Variants in SPIRE1 observed in about 807,000 individuals in gnomAD.
SPIRE1 encodes the protein protein spire homolog 1.
SPIRE1 carries 40 observed loss-of-function variants against 94.1 expected under a neutral mutation model. The ratio of observed to expected loss-of-function variants is 0.43; its 90% CI spans 0.33 to 0.55. SPIRE1 has a LOEUF of 0.55. Ranked by LOEUF, SPIRE1 falls within the 20% of genes least tolerant of loss-of-function variation. The probability of loss-of-function intolerance (pLI) is 0.06; values close to 1 mark genes in which losing one functional copy is unlikely to be tolerated. For synonymous variants in SPIRE1, 376 were observed against 371.7 expected, an observed-to-expected ratio of 1.01 and a Z score of -0.13; for missense variants, 838 against 975.2, an observed-to-expected ratio of 0.86 and a Z score of 1.87.
intron 1 of SPIRE1, among the ~76,000 whole-genome samples, chr18:12,649,937 T>C (rs1343656101): frequency 6.6e-6 from 1 of 152,110 alleles, no homozygotes; most frequent in African/African-American, 2.4e-5. Context: ...GCATGGTAAA[T>C]TGGAACCAAA....
chr18:12,644,997 G>C (rs1412767461), intron 1 of SPIRE1, among the ~76,000 whole-genome samples: 1 of 151,948 alleles, frequency 6.6e-6, no homozygotes, highest in Non-Finnish European at 1.5e-5. Flanking sequence ...TGTAACCCCA[G>C]TACTTTGGGA....
intron 2 of SPIRE1, among the ~76,000 whole-genome samples, chr18:12,627,185 T>C (rs1567977084): frequency 6.6e-6 from 1 of 152,058 alleles, no homozygotes; most frequent in Non-Finnish European, 1.5e-5. Context: ...TTACATTAGG[T>C]ATTTCTCCTA....
At chr18:12,567,209 A>C (rs922579091) in intron 2 of SPIRE1, among the ~76,000 whole-genome samples, 2 of 152,214 alleles carry the variant, frequency 1.3e-5, no homozygotes, top group African/African-American at 4.8e-5. Flanking sequence ...TTAAAAATAT[A>C]ATACCACTTA....
intron 4 of SPIRE1, among the ~76,000 whole-genome samples, chr18:12,531,711 G>A (rs891997894): frequency 6.6e-6 from 1 of 152,124 alleles, no homozygotes; most frequent in African/African-American, 2.4e-5. Flanking sequence ...AGTAGCAGGG[G>A]TTAAAGTTTT....
intron 6 of SPIRE1, among the ~76,000 whole-genome samples, chr18:12,498,730 G>A (rs2033553027): frequency 6.6e-6 from 1 of 152,130 alleles, no homozygotes; most frequent in Non-Finnish European, 1.5e-5. Flanking sequence ...AGGCTCAAGC[G>A]ATCCCTCCAC....
intron 4 of SPIRE1, among the ~76,000 whole-genome samples, chr18:12,525,296 A>T (rs8090811): frequency 0.12 from 13,784 of 117,822 alleles, 719 homozygotes; most frequent in South Asian, 0.25. Flanking sequence ...AAAAAAAAAA[A>T]AATAATAATA....
chr18:12,617,776 A>C (rs9961705), intron 2 of SPIRE1, among the ~76,000 whole-genome samples: 59,017 of 151,616 alleles, frequency 0.39, 12,140 homozygotes, highest in East Asian at 0.6. Flanking sequence ...GGCTGGTCTC[A>C]AACTCCTGAC....
In SPIRE1 at chr18:12,617,188, C is replaced by T. The variant is rs2144719320; in HGVS notation, c.372+17874G>A. ...TTTTTTTTTTTTTTTGAAATGGGGT[C>T]TCGCTCTGTCGCCCAGGCTGGAGTG... On this transcript the variant is annotated intron_variant, in intron 2 of 16. Transcript: ENST00000409402. 1.4e-5 allele frequency among the ~76,000 whole-genome samples: 2 copies of T among 143,432 alleles called. 1 individual carries two copies. Among genetic ancestry groups the T allele is most frequent in the South Asian group, 4.4e-4 (2 of 4,548 alleles). 94.1% of individuals were successfully genotyped at this position (143,432 alleles called of 152,430 possible). A position where few individuals can be genotyped will look rare whatever the true frequency, so the allele number is the denominator to read the frequency against.
intron 6 of SPIRE1, among the ~76,000 whole-genome samples, chr18:12,506,022 C>T (rs1019465389): frequency 6.6e-6 from 1 of 152,100 alleles, no homozygotes; most frequent in African/African-American, 2.4e-5. Context: ...CTTCTTTAAG[C>T]TTAATGTACT....
chr18:12,488,911 C>G (rs575674034), intron 8 of SPIRE1, among the ~76,000 whole-genome samples: 1 of 152,228 alleles, frequency 6.6e-6, no homozygotes, highest in East Asian at 1.9e-4. Flanking sequence ...TTGGGTCAGG[C>G]GCGGTGGCTC....
intron 2 of SPIRE1, among the ~76,000 whole-genome samples, chr18:12,572,776 A>G (rs2035989913): frequency 1.3e-5 from 2 of 152,220 alleles, no homozygotes; most frequent in Admixed American, 1.3e-4. Context: ...AAGCAATACA[A>G]AATGAAGCCA....
At chr18:12,616,249 G>T (rs960954558) in intron 2 of SPIRE1, among the ~76,000 whole-genome samples, 17 of 152,134 alleles carry the variant, frequency 1.1e-4, no homozygotes, top group African/African-American at 3.9e-4. Flanking sequence ...TTGTGGTGTA[G>T]AATGGAGAAA....
At chr18:12,513,649 G>A (rs1022040712) in intron 4 of SPIRE1, among the ~76,000 whole-genome samples, 1 of 151,296 alleles carries the variant, frequency 6.6e-6, no homozygotes, top group African/African-American at 2.4e-5. Flanking sequence ...TCAGCCTCCC[G>A]AGTAGCTAGG....
intron 2 of SPIRE1, among the ~76,000 whole-genome samples, chr18:12,625,160 A>G (rs1233989517): frequency 1.3e-5 from 2 of 152,188 alleles, no homozygotes. Context: ...TTATCTATTC[A>G]TCACACTACA....
At chr18:12,603,301 C>T (rs947150816) in intron 2 of SPIRE1, among the ~76,000 whole-genome samples, 1 of 152,146 alleles carries the variant, frequency 6.6e-6, no homozygotes, top group Non-Finnish European at 1.5e-5. Flanking sequence ...CCGTCTGTAA[C>T]TGTGTTTGCT....
intron 2 of SPIRE1, among the ~76,000 whole-genome samples, chr18:12,619,416 G>C (rs2144731405): frequency 6.6e-6 from 1 of 152,234 alleles, no homozygotes; most frequent in South Asian, 2.1e-4. Flanking sequence ...GCTGAGGCAG[G>C]AGAATGGCGT....
chr18:12,654,821 A>G (rs1255497161), intron 1 of SPIRE1, among the ~76,000 whole-genome samples: 1 of 152,012 alleles, frequency 6.6e-6, no homozygotes, highest in Non-Finnish European at 1.5e-5. Flanking sequence ...TGAGGTCAAG[A>G]GATCAAGACC....
intron 9 of SPIRE1, among the ~76,000 whole-genome samples, chr18:12,484,271 C>G (rs1449940488): frequency 6.6e-6 from 1 of 152,154 alleles, no homozygotes; most frequent in Non-Finnish European, 1.5e-5. Flanking sequence ...ATGTATATTG[C>G]CAACTTTTGG....
chr18:12,524,065 T>G (rs1036639009), intron 4 of SPIRE1, among the ~76,000 whole-genome samples: 5 of 152,224 alleles, frequency 3.3e-5, no homozygotes, highest in Non-Finnish European at 5.9e-5. Flanking sequence ...ATTGCAATAT[T>G]TGTTTCATTG....
Sources: allele counts gnomAD v4.1 joint callset (sites outside exome capture counted in the v4.1 genomes callset), GRCh38; gene constraint gnomAD v4.1.1; transcripts MANE v1.5; gene names NCBI Gene and HGNC (gene_info 2026-07-23, HGNC 2026-07-21).